Variants in ZNF142 observed in about 807,000 individuals in gnomAD.
ZNF142 encodes the protein zinc finger protein 142, also known as zinc finger protein 142 (clone pHZ-49).
A neutral mutation model predicts 132.1 loss-of-function variants in ZNF142; 96 were observed. The ratio of observed to expected loss-of-function variants is 0.73; its 90% CI spans 0.62 to 0.86. The LOEUF (loss-of-function observed/expected upper bound fraction) is 0.86, where lower values mean the gene tolerates loss of function less well. ZNF142 is among the 40% of genes least tolerant of loss of function. ZNF142 has a pLI of 0.00. For missense variants in ZNF142, 2,163 were observed against 2,336.2 expected (o/e 0.93, Z 1.53); for synonymous variants, 842 against 890.1 (o/e 0.95, Z 0.96).
Position 218,643,730 on chromosome 2 carries a change from G to GC in ZNF142, c.3385dup (p.Ala1129GlyfsTer49), listed in dbSNP as rs1327324784. The GC allele has an allele frequency of 2.5e-6, 4 of 1,606,576 alleles. No individual in the cohort carries two copies. Among genetic ancestry groups the GC allele is most frequent in the Non-Finnish European group, 3.4e-6 (4 of 1,177,084 alleles). The stretch of plus-strand genomic sequence containing the variant: ...AAGCAGTAGCTCTGCTTCTTGTGAT[G>GC]CAGGTGGGGGCTTCCCACTTTCTGT... On this transcript the variant is annotated frameshift_variant, in exon 9 of 11. Transcript: ENST00000411696. LOFTEE classifies it high-confidence loss of function.
rs1321385458 is a variant in ZNF142, at chr2:218,633,346, A to G, written c.*4993T>C. ...CCCAGAGGTTGACACTGATCCCAGC[A>G]GTACATGCAGACCGCCTTTATTCCC... On this transcript the variant is annotated 3_prime_UTR_variant, in exon 11 of 11. Transcript: ENST00000411696. 1 of 703,210 alleles carries G rather than the reference A, an allele frequency of 1.4e-6. No individual in the cohort carries two copies. Among genetic ancestry groups the G allele is most frequent in the Admixed American group, 2.0e-5 (1 of 50,010 alleles). 43.6% of individuals were successfully genotyped at this position (703,210 alleles called of 1,614,324 possible).
At position 218,643,328 on chromosome 2, in the gene ZNF142, T is replaced by TG. The variant is rs750239776; in HGVS notation, c.3787dup (p.Gln1263ProfsTer5). 44 of 1,614,016 alleles carry TG rather than the reference T, an allele frequency of 2.7e-5. No homozygotes were observed. Among genetic ancestry groups the TG allele is most frequent in the East Asian group, 4.5e-5 (2 of 44,896 alleles). ...CAACGGGGACACATCAGGCTGGGTC[T>TG]GGGGGGTCCCTCGTTTTCCTCCCCC... is the stretch of plus-strand genomic sequence containing the variant. On this transcript the variant is annotated frameshift_variant, in exon 9 of 11. Transcript: ENST00000411696. LOFTEE classifies it high-confidence loss of function.
In ZNF142 at chr2:218,644,149, A is replaced by G; in HGVS notation, c.2967T>C (p.Ala989=). The change falls in exon 9 of 11, where the codon GCT becomes GCC. Residue 989 remains alanine (A), a synonymous_variant. Transcript: ENST00000411696. This position sits in a 1 kb window ranked among gnomAD's most constrained non-coding sequence, Gnocchi z 4.6. The part of the protein sequence containing the change: ...WVGTFKTTPP[A]ETAPLPPLPE... ...GTAATGGGGGCAAGGGTGCTGTCTC[A>G]GCAGGTGGAGTTGTCTTGAAGGTTC... is the stretch of plus-strand genomic sequence containing the variant. 1 of 1,614,102 alleles carries G rather than the reference A, an allele frequency of 6.2e-7. No homozygotes were observed. Among genetic ancestry groups the G allele is most frequent in the Non-Finnish European group, 8.5e-7 (1 of 1,180,010 alleles).
Position 218,644,445 on chromosome 2 carries a change from C to T in ZNF142, c.2671G>A (p.Gly891Ser), listed in dbSNP as rs778601907. ...GCCTCTAGGTGTAGTGTGCAGCTGC[C>T]CTCCTCCACCTCTGCTGGGCTGGGA... ...GSPSPAEVEE[G>S]SCTLHLEALG... Residue 891 changes from glycine to serine, a missense_variant, in exon 9 of 11, where the codon GGC becomes AGC. Gly to Ser is a moderately conservative substitution (Grantham distance 56, BLOSUM62 0). This residue lies in a region of ZNF142 where 749 missense variants were observed against 830.3 expected (regional missense o/e 0.90). Coordinates refer to ENST00000411696, the MANE Select transcript of ZNF142 (RefSeq NM_001379659.1). This position sits in a 1 kb window ranked among gnomAD's most constrained non-coding sequence, Gnocchi z 4.6. 1 of 1,613,918 alleles carries T rather than the reference C, an allele frequency of 6.2e-7. No individual in the cohort carries two copies. Among genetic ancestry groups the T allele is most frequent in the African/African-American group, 1.3e-5 (1 of 74,910 alleles).
At chr2:218,641,198 C>T (rs1021608852) in intron 9 of ZNF142, among the ~76,000 whole-genome samples, 1 of 151,808 alleles carries the variant, frequency 6.6e-6, no homozygotes, top group Non-Finnish European at 1.5e-5. Context: ...CTTGGCCTCC[C>T]AAAGTGCTAG....
At position 218,639,543 on chromosome 2, in the gene ZNF142, C is replaced by T. The variant is rs950010057; in HGVS notation, c.5195-735G>A. ...TTGTTCAACTCAAAAAGTCAAAGAC[C>T]CAGCCTGGGCAACAAAGTGAGACCC... On this transcript the variant is annotated intron_variant, in intron 10 of 10. Coordinates refer to ENST00000411696, the MANE Select transcript of ZNF142 (RefSeq NM_001379659.1). 2.0e-5 allele frequency among the ~76,000 whole-genome samples: 3 copies of T among 152,056 alleles called. No homozygotes were observed. In the South Asian group the frequency reaches 6.2e-4, roughly 32 times the overall value.
chr2:218,642,215 C>A lies in ZNF142; in HGVS notation c.4901G>T (p.Arg1634Leu). The A allele has an allele frequency of 6.2e-7, 1 of 1,614,174 alleles. No individual in the cohort carries two copies. The highest frequency in any genetic ancestry group is 8.5e-7 in the Non-Finnish European group (1 of 1,180,034). ...ATGGTGATCTAGTACCAGCTGATGG[C>A]GGCATGTGAAGTCACAAAAGGGGCA... ...LHCPFCDFTC[R>L]HQLVLDHHVK... is the part of the protein sequence containing the mutation. The change falls in exon 9 of 11, where the codon CGC (arginine) becomes CTC (leucine). Residue 1634 changes from arginine (R) to leucine (L), a missense_variant. Coordinates refer to ENST00000411696, the MANE Select transcript of ZNF142 (RefSeq NM_001379659.1). The surrounding 1 kb of genome is among the most constrained non-coding windows in gnomAD (Gnocchi z 4.6).
intron 4 of ZNF142, among the ~76,000 whole-genome samples, chr2:218,655,612 C>T (rs930198414): frequency 2.0e-5 from 3 of 152,140 alleles, no homozygotes; most frequent in Non-Finnish European, 4.4e-5. Flanking sequence ...GCCTCAGCCT[C>T]CCAAGTAGCT....
At position 218,633,629 on chromosome 2, in the gene ZNF142, G is replaced by T. The variant is rs1696523927; in HGVS notation, c.*4710C>A. 2 of 1,613,584 alleles carry T rather than the reference G, an allele frequency of 1.2e-6. No individual in the cohort carries two copies. Among genetic ancestry groups the T allele is most frequent in the Non-Finnish European group, 1.7e-6 (2 of 1,179,644 alleles). ...GAAATCCAAGCCCATCTTGTGTCCA[G>T]CCCTCTCTTCCCTGGTTATCTACTT... is the stretch of plus-strand genomic sequence containing the variant. On this transcript the variant is annotated 3_prime_UTR_variant, in exon 11 of 11. Transcript: ENST00000411696.
chr2:218,650,869 C>T (rs1417723551), intron 5 of ZNF142, among the ~76,000 whole-genome samples: 1 of 152,208 alleles, frequency 6.6e-6, no homozygotes, highest in African/African-American at 2.4e-5. Context: ...CCTCTCCTGG[C>T]CCGTTTTCTC....
rs777077508 is a variant in ZNF142, at chr2:218,656,275, A to G, written c.155T>C (p.Ile52Thr). 72 of 1,613,342 alleles carry G rather than the reference A, an allele frequency of 4.5e-5. 1 individual carries two copies. In the South Asian group the frequency reaches 6.2e-4, roughly 14 times the overall value. The stretch of plus-strand genomic sequence containing the variant: ...CAGCAGGCAGCCTGGCTCAGTAGGT[A>G]TAGGTGCAGGGTCCCGGGAAGGACA... ...SPCPSRDPAPIPTEPGCLLVE... is the reference protein window; with the variant it reads ...SPCPSRDPAPTPTEPGCLLVE... The change falls in exon 4 of 11, where the codon ATA (isoleucine) becomes ACA (threonine). Residue 52 changes from isoleucine (I) to threonine (T), a missense_variant. Ile to Thr is a moderately conservative substitution (Grantham distance 89). Around this residue, in one of 7 missense-constraint regions of ZNF142, gnomAD observed 195 missense variants for 172.4 expected, o/e 1.13. Transcript: ENST00000411696.
intron 10 of ZNF142, among the ~76,000 whole-genome samples, chr2:218,640,272 G>A (rs1173618305): frequency 6.6e-6 from 1 of 152,032 alleles, no homozygotes; most frequent in Non-Finnish European, 1.5e-5. Context: ...AGAAGAAAAG[G>A]ACAGACTAGA....
chr2:218,641,752 G>A (rs1396131169), intron 9 of ZNF142, among the ~76,000 whole-genome samples: 2 of 151,930 alleles, frequency 1.3e-5, no homozygotes, highest in African/African-American at 4.8e-5. Context: ...CTGCCGAGTG[G>A]TCTTCAACTC....
rs1030720109 is a variant in ZNF142, at chr2:218,644,732, G to C, written c.2384C>G (p.Ala795Gly). ...NTTLLFHKRKAHGYVPGDQAW... is the reference protein window; with the variant it reads ...NTTLLFHKRKGHGYVPGDQAW... ...CTGGTCTCCAGGTACATAGCCATGGGCCTTGCGTTTATGGAACAAGAGTGT... is the reference window on the plus strand; with the variant it reads ...CTGGTCTCCAGGTACATAGCCATGGCCCTTGCGTTTATGGAACAAGAGTGT... Residue 795 changes from alanine to glycine, a missense_variant, in exon 9 of 11, where the codon GCC (alanine) becomes GGC (glycine). By Grantham distance (60) the Ala-to-Gly change is moderately conservative (BLOSUM62 0). Transcript: ENST00000411696. This position sits in a 1 kb window ranked among gnomAD's most constrained non-coding sequence, Gnocchi z 4.6. 1 of 1,614,250 alleles carries C rather than the reference G, an allele frequency of 6.2e-7. No homozygotes were observed. The highest frequency in any genetic ancestry group is 2.2e-5 in the East Asian group (1 of 44,890).
Position 218,648,791 on chromosome 2 carries a change from G to A in ZNF142, c.1717C>T (p.Arg573Cys), listed in dbSNP as rs370548475. The A allele has an allele frequency of 1.1e-4, 180 of 1,614,068 alleles. No individual in the cohort carries two copies. Among genetic ancestry groups the A allele is most frequent in the Non-Finnish European group, 1.4e-4 (167 of 1,180,022 alleles). ...GTGGCAAAGGGGCAGAAGGTGCAGCGCAGCTCTTCACTGCCAGGGTGGCCC... is the reference window on the plus strand; with the variant it reads ...GTGGCAAAGGGGCAGAAGGTGCAGCACAGCTCTTCACTGCCAGGGTGGCCC... ...KQGHPGSEELRCTFCPFATFN... is the reference protein window; with the variant it reads ...KQGHPGSEELCCTFCPFATFN... Residue 573 changes from arginine (R) to cysteine (C), a missense_variant, in exon 7 of 11, where the codon CGC (arginine) becomes TGC (cysteine). Transcript: ENST00000411696.
Position 218,642,655 on chromosome 2 carries a change from G to C in ZNF142, c.4461C>G (p.Ala1487=), listed in dbSNP as rs1400297234. Residue 1487 remains alanine, a synonymous_variant, in exon 9 of 11, where the codon GCC becomes GCG. Coordinates refer to ENST00000411696, the MANE Select transcript of ZNF142 (RefSeq NM_001379659.1). This position sits in a 1 kb window ranked among gnomAD's most constrained non-coding sequence, Gnocchi z 4.6. ...TGAACTGGGCTTCACACTGGGAGCA[G>C]GCAAAGGCTGGGGTGCCTTGGTGGC... The part of the protein sequence containing the change: ...NSCHQGTPAF[A]CSQCEAQFSS... The C allele has an allele frequency of 6.2e-7, 1 of 1,614,124 alleles. No individual in the cohort carries two copies. Among genetic ancestry groups the C allele is most frequent in the East Asian group, 2.2e-5 (1 of 44,884 alleles).
chr2:218,640,888 A>T, intron 9 of ZNF142, 119 bp from the exon 10 acceptor site: 2 of 716,474 alleles, frequency 2.8e-6, no homozygotes, highest in South Asian at 1.8e-5. Flanking sequence ...AGCAGACATT[A>T]TGGAACTTTG....
In ZNF142 at chr2:218,652,585, T is replaced by C. The variant is rs138539611; in HGVS notation, c.281-285A>G. ...GCAAATCCAGAAAGCATTAAGACAG[T>C]ATATTTTGCCCAAGTGAAAACCAGA... On this transcript the variant is annotated intron_variant, in intron 4 of 10. Transcript: ENST00000411696. Among the ~76,000 whole-genome samples the C allele has an allele frequency of 8.0e-3, 1,217 of 152,274 alleles. 9 individuals are homozygous for C. Among genetic ancestry groups the C allele is most frequent in the Non-Finnish European group, 0.013 (873 of 68,032 alleles).
intron 4 of ZNF142, among the ~76,000 whole-genome samples, chr2:218,654,371 C>T (rs963140109): frequency 7.7e-5 from 7 of 91,100 alleles, no homozygotes; most frequent in Non-Finnish European, 1.3e-4. Context: ...AAATGCATCT[C>T]CTTTTTTTTT....
Sources: gnomAD v4.1 joint callset for allele counts (sites outside exome capture counted in the v4.1 genomes callset) on GRCh38, gnomAD v4.1.1 for gene constraint, gnomAD v4.1.1 regional missense constraint, Gnocchi (gnomAD v3.1) non-coding constraint, MANE v1.5 for transcripts, NCBI Gene and HGNC (gene_info 2026-07-23, HGNC 2026-07-21) for gene names.